Variants in ASIC2 observed in about 807,000 individuals in gnomAD.
The protein encoded by ASIC2 is acid-sensing ion channel 2.
ASIC2 carries 25 observed loss-of-function variants against 57.3 expected under a neutral mutation model. The ratio of observed to expected loss-of-function variants is 0.44; its 90% CI spans 0.32 to 0.61. The LOEUF (loss-of-function observed/expected upper bound fraction) is 0.61. ASIC2 is among the 20% of genes least tolerant of loss of function. The pLI is 0.06. For synonymous variants in ASIC2, 319 were observed against 307.5 expected (o/e 1.04, Z -0.39); for missense variants, 641 against 738.1 (o/e 0.87, Z 1.52).
At chr17:33,741,142 G>A (rs1910100417) in intron 1 of ASIC2, among the ~76,000 whole-genome samples, 1 of 152,182 alleles carries the variant, frequency 6.6e-6, no homozygotes, top group Non-Finnish European at 1.5e-5. Context: ...CACAGAGAGT[G>A]ACTGCCCAGG....
intron 1 of ASIC2, among the ~76,000 whole-genome samples, chr17:33,397,841 A>G (rs1046107923): frequency 1.3e-5 from 2 of 152,250 alleles, no homozygotes; most frequent in Non-Finnish European, 2.9e-5. Context: ...CTTCATGTTG[A>G]TTGAGATCCC....
At chr17:33,093,335 A>T (rs1295692580) in intron 2 of ASIC2, among the ~76,000 whole-genome samples, 3 of 152,016 alleles carry the variant, frequency 2.0e-5, no homozygotes, top group Non-Finnish European at 4.4e-5. Context: ...CTTATTGGCA[A>T]CTGATTCAAT....
intron 1 of ASIC2, among the ~76,000 whole-genome samples, chr17:33,709,830 C>A (rs1386356062): frequency 2.0e-5 from 3 of 152,174 alleles, no homozygotes; most frequent in Non-Finnish European, 4.4e-5. Context: ...TTTAAACAAA[C>A]CACTTAACAT....
chr17:34,131,836 A>T (rs1911977218), intron 1 of ASIC2, among the ~76,000 whole-genome samples: 1 of 152,210 alleles, frequency 6.6e-6, no homozygotes, highest in African/African-American at 2.4e-5. Flanking sequence ...AGGTCTGAGA[A>T]TCTGGATCCC....
At chr17:33,891,904 A>G (rs1043394226) in intron 1 of ASIC2, among the ~76,000 whole-genome samples, 6 of 152,114 alleles carry the variant, frequency 3.9e-5, no homozygotes, top group African/African-American at 7.2e-5. Context: ...CCCTGGAGCT[A>G]TTTGGGTGGT....
At position 33,973,454 on chromosome 17, in the gene ASIC2, A is replaced by G. The variant is rs557465373; in HGVS notation, c.555+182524T>C. On this transcript the variant is annotated intron_variant, in intron 1 of 9. Coordinates refer to the ASIC2 transcript ENST00000359872. ...ATGGCCAAACCATGCTTCCTCCTGT[A>G]GCAATAGGCCCAGACTTGGGCAATT... 3.9e-5 allele frequency among the ~76,000 whole-genome samples: 6 copies of G among 152,352 alleles called. No individual in the cohort carries two copies. In the South Asian group the frequency reaches 1.2e-3, roughly 32 times the overall value.
chr17:34,069,574 C>T (rs1909321389), intron 1 of ASIC2: 1 of 152,144 alleles, frequency 6.6e-6, no homozygotes, highest in African/African-American at 2.4e-5. Flanking sequence ...ACTGAGCTTG[C>T]CCTTTCTTGA....
Position 33,291,474 on chromosome 17 carries a change from C to T in ASIC2, c.642G>A (p.Gln214=), listed in dbSNP as rs1170382846. 1 of 1,612,316 alleles carries T rather than the reference C, an allele frequency of 6.2e-7. No individual in the cohort carries two copies. Among genetic ancestry groups the T allele is most frequent in the Non-Finnish European group, 8.5e-7 (1 of 1,179,688 alleles). ...SAAFMDRLGH[Q]LEDMLLSCKY... ...TGCAGGAGAGCAGCATGTCCTCCAGCTGGTGGCCCAGGCGGTCCATGAAGG... is the reference window on the plus strand; with the variant it reads ...TGCAGGAGAGCAGCATGTCCTCCAGTTGGTGGCCCAGGCGGTCCATGAAGG... The change falls in exon 1 of 10, where the codon CAG becomes CAA. Residue 214 remains glutamine (Q), a synonymous_variant. Coordinates refer to ENST00000225823, the MANE Select transcript of ASIC2 (RefSeq NM_183377.2).
At chr17:33,947,819 G>T (rs1331075608) in intron 1 of ASIC2, among the ~76,000 whole-genome samples, 2 of 152,060 alleles carry the variant, frequency 1.3e-5, no homozygotes, top group Admixed American at 1.3e-4. Flanking sequence ...GTTTGGATGG[G>T]GTTGTTCTAA....
intron 1 of ASIC2, among the ~76,000 whole-genome samples, chr17:33,610,417 A>C (rs1251124247): frequency 6.6e-6 from 1 of 152,114 alleles, no homozygotes; most frequent in Admixed American, 6.5e-5. Context: ...TCGGCCTCCC[A>C]AAATGCTGGA....
chr17:33,174,683 C>G (rs1905671248), intron 1 of ASIC2, among the ~76,000 whole-genome samples: 2 of 152,230 alleles, frequency 1.3e-5, no homozygotes, highest in African/African-American at 4.8e-5. Flanking sequence ...CTTGCTCTGC[C>G]CAATGAAAGG....
At chr17:33,958,376 T>G (rs142148843) in intron 1 of ASIC2, among the ~76,000 whole-genome samples, 261 of 152,262 alleles carry the variant, frequency 1.7e-3, no homozygotes, top group Non-Finnish European at 3.0e-3. Flanking sequence ...TGAGCAGAGG[T>G]TCTCCATGAG....
At chr17:33,543,038 A>C (rs1915467153) in intron 1 of ASIC2, among the ~76,000 whole-genome samples, 2 of 150,810 alleles carry the variant, frequency 1.3e-5, no homozygotes, top group Non-Finnish European at 2.9e-5. Flanking sequence ...TCGCAAGAAC[A>C]AAAAACCAAA....
chr17:33,534,291 G>C (rs1319313548), intron 1 of ASIC2: 1 of 152,130 alleles, frequency 6.6e-6, no homozygotes, highest in African/African-American at 2.4e-5. Context: ...ATTTCTGATT[G>C]CTCGGGACCC....
intron 1 of ASIC2, among the ~76,000 whole-genome samples, chr17:33,543,310 A>C (rs891758241): frequency 1.3e-5 from 2 of 152,084 alleles, no homozygotes; most frequent in Admixed American, 6.5e-5. Context: ...AACAAAAAAA[A>C]CAAATCAATC....
intron 1 of ASIC2, among the ~76,000 whole-genome samples, chr17:33,466,346 CA>C (rs1453407943): frequency 6.6e-6 from 1 of 152,132 alleles, no homozygotes; most frequent in Non-Finnish European, 1.5e-5. Flanking sequence ...AAAAAGGACA[CA>C]AACAAATGGA....
intron 1 of ASIC2, among the ~76,000 whole-genome samples, chr17:33,345,936 A>G (rs1253775596): frequency 1.3e-5 from 2 of 152,060 alleles, no homozygotes; most frequent in South Asian, 4.2e-4. Context: ...CAGAGACAGA[A>G]ACAAGGAGGC....
chr17:34,107,366 AGG>A (rs1911099382), intron 1 of ASIC2, among the ~76,000 whole-genome samples: 1 of 152,062 alleles, frequency 6.6e-6, no homozygotes, highest in Non-Finnish European at 1.5e-5. Context: ...AAAATTAGCT[AGG>A]GGTGGTGGTG....
chr17:33,564,077 C>T (rs539335384), intron 1 of ASIC2, among the ~76,000 whole-genome samples: 10 of 152,254 alleles, frequency 6.6e-5, no homozygotes, highest in African/African-American at 1.4e-4. Flanking sequence ...AGGAGCACCG[C>T]GGCAGCCCCC....
Sources: allele counts gnomAD v4.1 joint callset (sites outside exome capture counted in the v4.1 genomes callset), GRCh38; gene constraint gnomAD v4.1.1; transcripts MANE v1.5; gene names NCBI Gene and HGNC (gene_info 2026-07-23, HGNC 2026-07-21).